RXFP1: variants seen among roughly 807,000 people sequenced by gnomAD.
RXFP1 encodes relaxin family peptide receptor 1, also known as relaxin receptor 1.
A neutral mutation model predicts 89.8 loss-of-function variants in RXFP1; 73 were observed. The ratio of observed to expected loss-of-function variants is 0.81; its 90% CI spans 0.67 to 0.99. The LOEUF is 0.99. Among genes scored for constraint, RXFP1 ranks in the 50% least tolerant of loss-of-function variants. The probability of loss-of-function intolerance (pLI) is 0.00; values close to 1 mark genes in which losing one functional copy is unlikely to be tolerated. For missense variants in RXFP1, 793 were observed against 895.5 expected (o/e 0.89, Z 1.46); for synonymous variants, 277 against 305.5 (o/e 0.91, Z 0.97).
chr4:158,619,844 C>G (rs978601670), intron 9 of RXFP1, among the ~76,000 whole-genome samples: 1 of 152,082 alleles, frequency 6.6e-6, no homozygotes, highest in Non-Finnish European at 1.5e-5. Flanking sequence ...CCACTCCAGC[C>G]CAGGATCTTG....
intron 2 of RXFP1, among the ~76,000 whole-genome samples, chr4:158,579,073 G>A (rs966466403): frequency 1.3e-5 from 2 of 150,090 alleles, no homozygotes; most frequent in Non-Finnish European, 3.0e-5. Flanking sequence ...AGATGCTGGA[G>A]AGAAGAGGGC....
At chr4:158,621,094 C>T (rs545844150) in intron 9 of RXFP1, among the ~76,000 whole-genome samples, 10 of 151,978 alleles carry the variant, frequency 6.6e-5, no homozygotes, top group African/African-American at 2.4e-4. Context: ...GCTGAGATCA[C>T]ACCATTGCAC....
chr4:158,649,425 G>C (rs980890641), intron 17 of RXFP1, among the ~76,000 whole-genome samples: 3 of 152,054 alleles, frequency 2.0e-5, no homozygotes, highest in African/African-American at 4.8e-5. Context: ...GAGTGTGAGA[G>C]ATAATAGAAG....
intron 6 of RXFP1, chr4:158,610,758 G>A (rs1011392556): frequency 2.4e-6 from 3 of 1,248,682 alleles, no homozygotes; most frequent in Non-Finnish European, 3.1e-6. Context: ...ACACCCTGAG[G>A]TTGTAAGTCA....
Position 158,579,553 on chromosome 4 carries a change from C to G in RXFP1, c.187+6718C>G, listed in dbSNP as rs186622669. On this transcript the variant is annotated intron_variant, in intron 2 of 17. Transcript: ENST00000307765. The stretch of plus-strand genomic sequence containing the variant: ...TGCTGGGATTACAGGCGTGAGCCAC[C>G]GCAGCCTGCCCAACTTCTCTTGTTT... 3.4e-3 allele frequency among the ~76,000 whole-genome samples: 518 copies of G among 152,314 alleles called. 4 individuals are homozygous for G. Among genetic ancestry groups the G allele is most frequent in the African/African-American group, 0.012 (487 of 41,560 alleles).
At chr4:158,607,871 G>T (rs1762793938) in intron 5 of RXFP1, 101 bp from the exon 6 acceptor site, 9 of 713,236 alleles carry the variant, frequency 1.3e-5, no homozygotes, top group South Asian at 1.1e-4. Context: ...CATTCATATT[G>T]CTATGCTACC....
At chr4:158,601,225 A>G (rs1379900110) in intron 4 of RXFP1, among the ~76,000 whole-genome samples, 2 of 152,094 alleles carry the variant, frequency 1.3e-5, no homozygotes, top group Admixed American at 6.6e-5. Flanking sequence ...TGGTATAAAC[A>G]AAAAAACTGG....
chr4:158,635,207 T>C (rs1768913861), intron 12 of RXFP1, among the ~76,000 whole-genome samples: 1 of 152,214 alleles, frequency 6.6e-6, no homozygotes, highest in Non-Finnish European at 1.5e-5. Flanking sequence ...CTTTCAGCAA[T>C]GTTTCGCAGT....
chr4:158,642,266 C>T (rs1373433092), intron 14 of RXFP1, among the ~76,000 whole-genome samples: 1 of 152,012 alleles, frequency 6.6e-6, no homozygotes, highest in African/African-American at 2.4e-5. Flanking sequence ...ATTAGCATAT[C>T]CATCCTCTCA....
rs547319270 is a variant in RXFP1 at position 158,570,244 on chromosome 4, G to A, written c.50-2454G>A. 5.3e-5 allele frequency among the ~76,000 whole-genome samples: 8 copies of A among 152,298 alleles called. No homozygotes were observed. The East Asian group carries it at 1.2e-3, about 22-fold the overall frequency. ...AATTTCAGGAGGAAGTGATAGTGAC[G>A]AGGGGGAATGGTAGTGATGGAGAAG... On this transcript the variant is annotated intron_variant, in intron 1 of 17. Coordinates refer to ENST00000307765, the MANE Select transcript of RXFP1 (RefSeq NM_021634.4).
intron 1 of RXFP1, among the ~76,000 whole-genome samples, chr4:158,542,109 A>ATATATATTTTTT: frequency 0.029 from 1,017 of 35,032 alleles, 69 homozygotes; most frequent in Admixed American, 0.041. Flanking sequence ...ATATATATAT[A>ATATATATTTTTT]TTTTTTTTTT....
Position 158,550,049 on chromosome 4 carries a change from G to A in RXFP1, c.50-22649G>A, listed in dbSNP as rs188373706. ...TGTTTGTCTGTGCCCTGCCCCCAGAGGTGGAGCCTACAGAGGCAGGCAGGC... is the reference window on the plus strand; with the variant it reads ...TGTTTGTCTGTGCCCTGCCCCCAGAAGTGGAGCCTACAGAGGCAGGCAGGC... On this transcript the variant is annotated intron_variant, in intron 1 of 17. Transcript: ENST00000307765. 7.0e-3 allele frequency among the ~76,000 whole-genome samples: 1,070 copies of A among 152,350 alleles called. 16 individuals carry two copies. The highest frequency in any genetic ancestry group is 0.025 in the African/African-American group (1,027 of 41,584).
intron 1 of RXFP1, among the ~76,000 whole-genome samples, chr4:158,558,686 A>C (rs1298106096): frequency 6.6e-6 from 1 of 152,236 alleles, no homozygotes; most frequent in Non-Finnish European, 1.5e-5. Flanking sequence ...ATCAAAACTT[A>C]ACATAGATTT....
chr4:158,538,703 C>A (rs1164125707), intron 1 of RXFP1, among the ~76,000 whole-genome samples: 1 of 151,586 alleles, frequency 6.6e-6, no homozygotes, highest in Non-Finnish European at 1.5e-5. Context: ...ATCCCAGCTA[C>A]TGGGGAGGCT....
chr4:158,648,271 A>T (rs1355913744), intron 16 of RXFP1, among the ~76,000 whole-genome samples: 1 of 152,244 alleles, frequency 6.6e-6, no homozygotes, highest in Non-Finnish European at 1.5e-5. Context: ...TTTTAAAAGT[A>T]AACATTTTAT....
Position 158,645,152 on chromosome 4 carries a change from G to A in RXFP1, c.1345+14G>A, listed in dbSNP as rs1270107589. ...TTTCTCTCTGCTGTGAGTATTTCCT[G>A]GTTAAAGGAGAATTGTAGTTTTGAA... On this transcript the variant is annotated intron_variant, in intron 15 of 17. Transcript: ENST00000307765. 2 of 1,568,066 alleles carry A rather than the reference G, an allele frequency of 1.3e-6. No individual in the cohort carries two copies. Among genetic ancestry groups the A allele is most frequent in the South Asian group, 1.1e-5 (1 of 89,898 alleles).
intron 11 of RXFP1, among the ~76,000 whole-genome samples, chr4:158,631,669 G>A (rs1168145985): frequency 6.6e-6 from 1 of 152,192 alleles, no homozygotes; most frequent in Non-Finnish European, 1.5e-5. Flanking sequence ...GAGATCACAA[G>A]GAGGGAAAGA....
chr4:158,617,249 T>A, intron 9 of RXFP1, 44 bp downstream of exon 9: 1 of 1,397,164 alleles, frequency 7.2e-7, no homozygotes, highest in Non-Finnish European at 1.0e-6. Flanking sequence ...CTAAATTTTC[T>A]GTTTTTACCT....
At position 158,522,040 on chromosome 4, in the gene RXFP1, T is replaced by C; in HGVS notation, c.49+15T>C. ...TGGAAAATATTGTAAGTATGCTCAG[T>C]ATCTAATTTTGTATACCTTAGTATT... On this transcript the variant is annotated intron_variant, in intron 1 of 17. Transcript: ENST00000307765. 6.7e-7 allele frequency: 1 copy of C among 1,494,328 alleles called. No individual in the cohort carries two copies. The highest frequency in any genetic ancestry group is 9.3e-7 in the Non-Finnish European group (1 of 1,073,640). The allele number at this position is 1,494,328 out of a possible 1,614,324, so 92.6% of individuals were successfully genotyped here. A position where few individuals can be genotyped will look rare whatever the true frequency, so the allele number is the denominator to read the frequency against.
Sources: gnomAD v4.1 joint callset for allele counts (sites outside exome capture counted in the v4.1 genomes callset) on GRCh38, gnomAD v4.1.1 for gene constraint, MANE v1.5 for transcripts, NCBI Gene and HGNC (gene_info 2026-07-23, HGNC 2026-07-21) for gene names.